DPP6: variants seen among roughly 807,000 people sequenced by gnomAD.
The protein encoded by DPP6 is dipeptidyl peptidase like 6, also known as A-type potassium channel modulatory protein DPP6.
In DPP6, 69 loss-of-function variants were observed where a neutral mutation model predicts 122.6. The ratio of observed to expected loss-of-function variants is 0.56; its 90% confidence interval spans 0.46 to 0.69. DPP6 has a LOEUF of 0.69. Among genes scored for constraint, DPP6 ranks in the 30% least tolerant of loss-of-function variants. The pLI, the probability that DPP6 is intolerant of heterozygous loss-of-function variation, is 0.00. For missense variants in DPP6, 928 were observed against 1,116.9 expected (o/e 0.83, Z 2.41); for synonymous variants, 418 against 433.1 (o/e 0.97, Z 0.43).
intron 4 of DPP6, among the ~76,000 whole-genome samples, chr7:154,555,555 A>C (rs531499415): frequency 6.6e-6 from 1 of 152,250 alleles, no homozygotes; most frequent in African/African-American, 2.4e-5. Flanking sequence ...AACATGGCAC[A>C]TGTATACATA....
intron 5 of DPP6, among the ~76,000 whole-genome samples, chr7:154,595,001 A>C (rs555424617): frequency 7.1e-6 from 1 of 141,126 alleles, no homozygotes; most frequent in Admixed American, 7.2e-5. Context: ...TTAAACCCCA[A>C]TTGTATCATT....
chr7:154,061,467 C>T (rs1236257082), intron 1 of DPP6, among the ~76,000 whole-genome samples: 1 of 146,960 alleles, frequency 6.8e-6, no homozygotes, highest in Admixed American at 6.7e-5. Flanking sequence ...AGGATGGCCC[C>T]CCTATTAGAG....
chr7:154,061,195 T>C (rs1350101926), intron 1 of DPP6, among the ~76,000 whole-genome samples: 5 of 149,140 alleles, frequency 3.4e-5, no homozygotes, highest in East Asian at 3.9e-4. Context: ...AACTGCAGTA[T>C]TAGCCAAGCC....
chr7:154,661,933 C>A (rs1321044591), intron 6 of DPP6, among the ~76,000 whole-genome samples: 7 of 150,396 alleles, frequency 4.7e-5, no homozygotes, highest in African/African-American at 1.7e-4. Flanking sequence ...ATCACCATGG[C>A]GTATTGGCGG....
intron 1 of DPP6, among the ~76,000 whole-genome samples, chr7:154,115,765 A>G (rs190695193): frequency 6.6e-6 from 1 of 152,342 alleles, no homozygotes; most frequent in African/African-American, 2.4e-5. Context: ...TTTCAATTGT[A>G]AGGTGGGGAC....
chr7:154,710,800 G>T (rs188220335), intron 7 of DPP6, among the ~76,000 whole-genome samples: 156 of 152,350 alleles, frequency 1.0e-3, no homozygotes, highest in African/African-American at 3.6e-3. Context: ...TTATTTGCAG[G>T]ATTGGCACAG....
intron 1 of DPP6, among the ~76,000 whole-genome samples, chr7:154,251,356 G>A (rs78342048): frequency 0.039 from 5,943 of 152,264 alleles, 191 homozygotes; most frequent in East Asian, 0.13. Context: ...TAGCAAAGCC[G>A]TGAAGCCATT....
chr7:154,793,981 G>C, intron 10 of DPP6, 98 bp from the exon 11 acceptor site: 1 of 1,483,084 alleles, frequency 6.7e-7, no homozygotes, highest in Admixed American at 2.2e-5. Flanking sequence ...TCCGGCCCCC[G>C]GCTCCCGTGT....
At chr7:154,295,941 CTTCTT>C (rs1385699775) in intron 1 of DPP6, among the ~76,000 whole-genome samples, 5 of 113,760 alleles carry the variant, frequency 4.4e-5, no homozygotes, top group Non-Finnish European at 8.2e-5. Flanking sequence ...TAAACAGTTG[CTTCTT>C]TTTTTTTTTT....
chr7:153,794,433 C>T, the DPP6 span, among the ~76,000 whole-genome samples: 2 of 152,152 alleles, frequency 1.3e-5, no homozygotes, highest in African/African-American at 2.4e-5. Context: ...TTTCTTTCAG[C>T]CAATTTCTCC....
At chr7:154,119,849 T>A (rs1179213408) in intron 1 of DPP6, among the ~76,000 whole-genome samples, 1 of 150,628 alleles carries the variant, frequency 6.6e-6, no homozygotes, top group Non-Finnish European at 1.5e-5. Context: ...AACTGCCCAG[T>A]TACAATTGGT....
At chr7:154,816,683 C>T (rs1799446837) in intron 16 of DPP6, among the ~76,000 whole-genome samples, 1 of 152,110 alleles carries the variant, frequency 6.6e-6, no homozygotes, top group South Asian at 2.1e-4. Context: ...CACTTGCTAC[C>T]CACTCAGTAT....
chr7:153,797,776 G>A, the DPP6 span, among the ~76,000 whole-genome samples: 4 of 152,084 alleles, frequency 2.6e-5, no homozygotes, highest in East Asian at 1.9e-4. Flanking sequence ...GCTTATAGGC[G>A]GCCACCTCAT....
chr7:154,366,443 G>A (rs560996708), intron 1 of DPP6, among the ~76,000 whole-genome samples: 145 of 152,288 alleles, frequency 9.5e-4, no homozygotes, highest in Non-Finnish European at 1.8e-3. Flanking sequence ...ACATATGTTG[G>A]GAGTTACTTC....
rs531070690 is a variant in DPP6, at chr7:154,658,362, TA to T, written c.681-10993del. Among the ~76,000 whole-genome samples, 23 of 152,236 alleles carry T rather than the reference TA, an allele frequency of 1.5e-4. No individual in the cohort carries two copies. In the East Asian group the frequency reaches 3.7e-3, roughly 24 times the overall value. On this transcript the variant is annotated intron_variant, in intron 6 of 25. Transcript: ENST00000377770. ...CTCTAAAAATATAAAGCTTATTAATTAAAAATAGTAATAAATAAGAAAAGTT... is the reference window on the plus strand; with the variant it reads ...CTCTAAAAATATAAAGCTTATTAATTAAAATAGTAATAAATAAGAAAAGTT...
intron 3 of DPP6, among the ~76,000 whole-genome samples, chr7:154,530,298 C>T (rs1468802002): frequency 6.6e-6 from 1 of 151,890 alleles, no homozygotes; most frequent in South Asian, 2.1e-4. Flanking sequence ...AACAATTTGT[C>T]AAATTAACAG....
chr7:154,757,972 C>A (rs6944110), intron 8 of DPP6, among the ~76,000 whole-genome samples: 18,180 of 152,134 alleles, frequency 0.12, 1,248 homozygotes, highest in Admixed American at 0.18. Context: ...CGCTCTCCCC[C>A]CCGCCCTCTC....
intron 10 of DPP6, among the ~76,000 whole-genome samples, chr7:154,790,922 G>A (rs1271498675): frequency 2.0e-5 from 3 of 151,886 alleles, no homozygotes; most frequent in Admixed American, 6.6e-5. Flanking sequence ...ATTTTACTTG[G>A]GGCTCTGTAT....
chr7:154,730,420 C>T (rs1010268363), intron 8 of DPP6, among the ~76,000 whole-genome samples: 4 of 152,192 alleles, frequency 2.6e-5, no homozygotes, highest in African/African-American at 9.6e-5. Context: ...AAACACTACA[C>T]TTCCTGAGGA....
Sources: allele counts gnomAD v4.1 joint callset (sites outside exome capture counted in the v4.1 genomes callset), GRCh38; gene constraint gnomAD v4.1.1; transcripts MANE v1.5; gene names NCBI Gene and HGNC (gene_info 2026-07-23, HGNC 2026-07-21).